The following SV2C variants were observed in gnomAD, a reference collection of about 807,000 sequenced individuals.
SV2C encodes synaptic vesicle glycoprotein 2C, also known as solute carrier family 22 member B3.
SV2C carries 49 observed loss-of-function variants against 79.7 expected under a neutral mutation model. That is an observed-to-expected ratio of 0.61 (90% CI 0.49 to 0.78). The LOEUF (loss-of-function observed/expected upper bound fraction) is 0.78, where lower values mean the gene tolerates loss of function less well. Among genes scored for constraint, SV2C ranks in the 30% least tolerant of loss-of-function variants. The pLI is 0.00. For missense variants in SV2C, 833 were observed against 912.9 expected (o/e 0.91, Z 1.13); for synonymous variants, 334 against 333.2 (o/e 1.00, Z -0.03).
At chr5:75,938,041 A>G in the SV2C span, among the ~76,000 whole-genome samples, 1 of 152,278 alleles carries the variant, frequency 6.6e-6, no homozygotes, top group African/African-American at 2.4e-5. Flanking sequence ...TGTGAACTGA[A>G]TAACAGATGT....
chr5:76,102,911 T>C lies in SV2C; in HGVS notation c.-102+19399T>C, dbSNP rs559773726. 5.3e-5 allele frequency among the ~76,000 whole-genome samples: 8 copies of C among 152,346 alleles called. No individual in the cohort carries two copies. In the South Asian group the frequency reaches 6.2e-4, roughly 12 times the overall value. ...ACTGCCAAGGCTTGACACTTGTTTA[T>C]ATCCAGAGGCAGCCTTAACATTTAG... On this transcript the variant is annotated intron_variant, in intron 1 of 12. Coordinates refer to ENST00000502798, the MANE Select transcript of SV2C (RefSeq NM_014979.4).
chr5:76,352,793 C>T (rs1388236876), intron 12 of SV2C, among the ~76,000 whole-genome samples: 1 of 152,154 alleles, frequency 6.6e-6, no homozygotes, highest in African/African-American at 2.4e-5. Flanking sequence ...TTTTAATCAG[C>T]ATAAATACAC....
chr5:76,014,196 GAGAA>G, the SV2C span, among the ~76,000 whole-genome samples: 191 of 143,510 alleles, frequency 1.3e-3, 1 homozygote, highest in Non-Finnish European at 5.9e-4. Context: ...AAGAAGGAAA[GAGAA>G]AGAAAGAAAG....
upstream of SV2C, among the ~76,000 whole-genome samples, chr5:76,082,596 T>C (rs566863068): frequency 1.3e-3 from 188 of 149,722 alleles, 4 homozygotes; most frequent in East Asian, 0.037. Context: ...TCTTTCTTTC[T>C]TCCTCCTCCT....
intron 12 of SV2C, among the ~76,000 whole-genome samples, chr5:76,307,659 T>A (rs994838259): frequency 2.0e-5 from 3 of 152,152 alleles, no homozygotes; most frequent in Admixed American, 6.5e-5. Context: ...AAATATTAGA[T>A]CTTTTGTTAT....
In SV2C at chr5:76,319,453, C is replaced by A. The variant is rs764978355; in HGVS notation, c.2001-5911C>A. Reference sequence around the variant, plus strand: ...AAAAAAAGAAAAGAAAAATTACACGCTTCAGCTGCAAATATTTGAAAGAAG... The same window carrying A: ...AAAAAAAGAAAAGAAAAATTACACGATTCAGCTGCAAATATTTGAAAGAAG... On this transcript the variant is annotated intron_variant, in intron 12 of 12. Transcript: ENST00000502798. Among the ~76,000 whole-genome samples, 35 of 152,134 alleles carry A rather than the reference C, an allele frequency of 2.3e-4. 1 individual carries two copies. The highest frequency in any genetic ancestry group is 1.1e-3 in the Admixed American group (17 of 15,274).
chr5:76,257,317 T>C (rs1746311135), intron 4 of SV2C, among the ~76,000 whole-genome samples: 1 of 150,328 alleles, frequency 6.7e-6, no homozygotes. Context: ...CTGTATGGTG[T>C]GTAGTGTGTG....
chr5:75,907,411 G>A, the SV2C span, among the ~76,000 whole-genome samples: 1 of 152,168 alleles, frequency 6.6e-6, no homozygotes, highest in Non-Finnish European at 1.5e-5. Context: ...GGCCAGTAAT[G>A]TGAACTTCAC....
chr5:75,936,191 T>C, the SV2C span, among the ~76,000 whole-genome samples: 1 of 152,184 alleles, frequency 6.6e-6, no homozygotes, highest in African/African-American at 2.4e-5. Context: ...TCAAAGGCTA[T>C]GTCTTCCCTC....
chr5:75,993,652 A>G, the SV2C span, among the ~76,000 whole-genome samples: 1 of 152,196 alleles, frequency 6.6e-6, no homozygotes, highest in African/African-American at 2.4e-5. Context: ...TAGGAACAGA[A>G]GGAATTTCTG....
the SV2C span, among the ~76,000 whole-genome samples, chr5:75,951,883 G>A: frequency 1.3e-5 from 2 of 152,044 alleles, no homozygotes; most frequent in African/African-American, 4.8e-5. Flanking sequence ...CAGCATTATG[G>A]TATCTCACAT....
the SV2C span, among the ~76,000 whole-genome samples, chr5:75,871,843 ACACACACACACACACG>A: frequency 2.6e-5 from 3 of 113,790 alleles, no homozygotes; most frequent in African/African-American, 1.2e-4. Flanking sequence ...ATACACACAC[ACACACACACACACACG>A]TATATATATT....
Position 76,193,379 on chromosome 5 carries a change from C to T in SV2C, c.581-1540C>T, listed in dbSNP as rs531153018. On this transcript the variant is annotated intron_variant, in intron 2 of 12. Transcript: ENST00000502798. ...GGCAGTAGGAATCTTGGTTAACCTGCCTTGCCCCAAGATCTCAGATGCATT... is the reference window on the plus strand; with the variant it reads ...GGCAGTAGGAATCTTGGTTAACCTGTCTTGCCCCAAGATCTCAGATGCATT... Among the ~76,000 whole-genome samples the T allele has an allele frequency of 5.3e-5, 8 of 152,166 alleles. No homozygotes were observed. The South Asian group carries it at 1.7e-3, about 32-fold the overall frequency.
chr5:76,108,934 A>G (rs982226426), intron 1 of SV2C, among the ~76,000 whole-genome samples: 1 of 152,200 alleles, frequency 6.6e-6, no homozygotes, highest in African/African-American at 2.4e-5. Flanking sequence ...GTTAGAGATG[A>G]TGTGAATAGC....
chr5:76,102,716 T>G (rs916629572), intron 1 of SV2C, among the ~76,000 whole-genome samples: 2 of 152,204 alleles, frequency 1.3e-5, no homozygotes, highest in Non-Finnish European at 2.9e-5. Context: ...CTGTGTGTTC[T>G]GCAGAGCCAT....
the SV2C span, among the ~76,000 whole-genome samples, chr5:76,035,875 G>A: frequency 6.6e-6 from 1 of 152,074 alleles, no homozygotes. Context: ...TAGTGTGTGG[G>A]AGTCTAAGTC....
rs1006610405 is a variant in SV2C, at chr5:76,333,138, C to T, written c.*7591C>T. 1 of 152,198 alleles carries T rather than the reference C, an allele frequency of 6.6e-6. No individual in the cohort carries two copies. The highest frequency in any genetic ancestry group is 1.5e-5 in the Non-Finnish European group (1 of 68,034). The allele number at this position is 152,198 out of a possible 1,614,324, so 9.4% of individuals were successfully genotyped here. On this transcript the variant is annotated 3_prime_UTR_variant, in exon 13 of 13. Transcript: ENST00000502798. ...ACGTAGTCATCCAAGAAGGAAACTCCTTTCTTGCCTTGATATTCACCAGGC... is the reference window on the plus strand; with the variant it reads ...ACGTAGTCATCCAAGAAGGAAACTCTTTTCTTGCCTTGATATTCACCAGGC...
chr5:76,199,166 T>G (rs1317292081), intron 3 of SV2C, among the ~76,000 whole-genome samples: 4 of 152,228 alleles, frequency 2.6e-5, no homozygotes, highest in African/African-American at 9.6e-5. Flanking sequence ...AAACTTTCTT[T>G]ATTAAAACTT....
chr5:76,057,375 C>T, the SV2C span, among the ~76,000 whole-genome samples: 1 of 151,664 alleles, frequency 6.6e-6, no homozygotes, highest in African/African-American at 2.4e-5. Flanking sequence ...CTATCCCACC[C>T]CCCTACCCCC....
Sources: allele counts gnomAD v4.1 joint callset (sites outside exome capture counted in the v4.1 genomes callset), GRCh38; gene constraint gnomAD v4.1.1; transcripts MANE v1.5; gene names NCBI Gene and HGNC (gene_info 2026-07-23, HGNC 2026-07-21).